Variants in RASGEF1A observed in about 807,000 individuals in gnomAD.
RASGEF1A encodes the protein ras-GEF domain-containing family member 1A.
In RASGEF1A, 18 loss-of-function variants were observed where a neutral mutation model predicts 56.4. The ratio of observed to expected loss-of-function variants is 0.32; its 90% CI spans 0.22 to 0.47. The LOEUF (loss-of-function observed/expected upper bound fraction) is 0.47, where lower values mean the gene tolerates loss of function less well. Ranked by LOEUF, RASGEF1A falls within the 20% of genes least tolerant of loss-of-function variation. The pLI is 1.00. For missense variants in RASGEF1A, 422 were observed against 627.1 expected (o/e 0.67, Z 3.49); for synonymous variants, 245 against 242.6 (o/e 1.01, Z -0.09).
chr10:43,260,913 T>C (rs1274695104), intron 1 of RASGEF1A, among the ~76,000 whole-genome samples: 2 of 152,254 alleles, frequency 1.3e-5, no homozygotes, highest in Non-Finnish European at 2.9e-5. Flanking sequence ...TATTTTGTTA[T>C]CACTTTCTCT....
At chr10:43,217,200 G>A (rs1279098369) in intron 1 of RASGEF1A, among the ~76,000 whole-genome samples, 2 of 152,148 alleles carry the variant, frequency 1.3e-5, no homozygotes, top group African/African-American at 2.4e-5. Flanking sequence ...GCTGGGACCC[G>A]ACCCTGAGGG....
In RASGEF1A at chr10:43,221,043, G is replaced by A. The variant is rs540294089; in HGVS notation, c.-6-14921C>T. Among the ~76,000 whole-genome samples, 14 of 152,268 alleles carry A rather than the reference G, an allele frequency of 9.2e-5. No individual in the cohort carries two copies. The East Asian group carries it at 1.5e-3, about 17-fold the overall frequency. On this transcript the variant is annotated intron_variant, in intron 1 of 12. Coordinates refer to ENST00000395810, the MANE Select transcript of RASGEF1A (RefSeq NM_145313.4). ...AGACACCTGCAGAAGCACTGCCCTC[G>A]AGAACTCCGAAGCCTCTTTTCCATT...
rs1171136832 is a variant in RASGEF1A at position 43,194,857 on chromosome 10, T to C, written c.*1387A>G. On this transcript the variant is annotated 3_prime_UTR_variant, in exon 13 of 13. Transcript: ENST00000395810. ...TGTACTATCAATATACAATCTGTAC[T>C]AGCTAGAACCTCAGAAAGTGCAAAC... 6.5e-6 allele frequency: 1 copy of C among 152,698 alleles called. No individual in the cohort carries two copies. Among genetic ancestry groups the C allele is most frequent in the Non-Finnish European group, 1.5e-5 (1 of 68,058 alleles). 9.5% of individuals were successfully genotyped at this position (152,698 alleles called of 1,614,324 possible).
chr10:43,220,508 G>A (rs1278289192), intron 1 of RASGEF1A, among the ~76,000 whole-genome samples: 2 of 152,192 alleles, frequency 1.3e-5, no homozygotes, highest in Admixed American at 1.3e-4. Flanking sequence ...ATCTCACCGG[G>A]TGTGGTGGCT....
chr10:43,219,553 A>G (rs990859385), intron 1 of RASGEF1A, among the ~76,000 whole-genome samples: 1 of 152,202 alleles, frequency 6.6e-6, no homozygotes, highest in East Asian at 1.9e-4. Context: ...AGGCACCAGC[A>G]ATCTGTCCTG....
At chr10:43,216,609 A>T (rs1166826059) in intron 1 of RASGEF1A, among the ~76,000 whole-genome samples, 1 of 152,152 alleles carries the variant, frequency 6.6e-6, no homozygotes, top group Admixed American at 6.5e-5. Flanking sequence ...AGACAGTGCT[A>T]GGTAGCCCGC....
At chr10:43,228,791 A>G (rs1475327030) in intron 1 of RASGEF1A, among the ~76,000 whole-genome samples, 1 of 152,210 alleles carries the variant, frequency 6.6e-6, no homozygotes, top group Admixed American at 6.5e-5. Context: ...CCGTGAGGAC[A>G]ACACTCTCCG....
intron 1 of RASGEF1A, among the ~76,000 whole-genome samples, chr10:43,213,839 G>A (rs992417557): frequency 4.6e-5 from 7 of 152,126 alleles, no homozygotes; most frequent in Admixed American, 2.6e-4. Context: ...TGTTGGCCAG[G>A]CTGGTCTCGA....
chr10:43,223,817 T>C (rs1312372346), intron 1 of RASGEF1A, among the ~76,000 whole-genome samples: 1 of 152,006 alleles, frequency 6.6e-6, no homozygotes, highest in African/African-American at 2.4e-5. Flanking sequence ...CCTGTCTCTA[T>C]TTCTTTAAAA....
At chr10:43,265,117 A>G (rs1404537350) in intron 1 of RASGEF1A, among the ~76,000 whole-genome samples, 2 of 152,070 alleles carry the variant, frequency 1.3e-5, no homozygotes, top group Non-Finnish European at 2.9e-5. Context: ...GCCACTGTCC[A>G]GCACAAATGC....
intron 1 of RASGEF1A, among the ~76,000 whole-genome samples, chr10:43,234,724 C>G (rs1840409752): frequency 6.6e-6 from 1 of 152,234 alleles, no homozygotes; most frequent in Admixed American, 6.5e-5. Context: ...TGGCGCATAC[C>G]TCTCTATCCT....
intron 1 of RASGEF1A, among the ~76,000 whole-genome samples, chr10:43,244,406 A>T (rs115256112): frequency 0.81 from 112,744 of 138,362 alleles, 43,677 homozygotes; most frequent in East Asian, 0.96. Context: ...AAAAAAATTA[A>T]AAAAAAAAAT....
chr10:43,238,040 T>G (rs1201093243), intron 1 of RASGEF1A, among the ~76,000 whole-genome samples: 1 of 138,374 alleles, frequency 7.2e-6, no homozygotes, highest in East Asian at 2.5e-4. Context: ...CAGGTGTGCC[T>G]GAGACCCGCC....
intron 5 of RASGEF1A, 44 bp from the exon 6 acceptor site, chr10:43,200,300 G>A (rs771010375): frequency 6.6e-7 from 1 of 1,524,862 alleles, no homozygotes; most frequent in South Asian, 1.2e-5. Context: ...GCTTCCCCTG[G>A]AGAAGGGACA....
chr10:43,253,850 C>T (rs368901503), intron 1 of RASGEF1A, among the ~76,000 whole-genome samples: 1 of 152,378 alleles, frequency 6.6e-6, no homozygotes, highest in East Asian at 1.9e-4. Context: ...GCGGAAGCAG[C>T]TCCATCTGTG....
Position 43,230,154 on chromosome 10 carries a change from A to C in RASGEF1A, c.-6-24032T>G, listed in dbSNP as rs531263887. On this transcript the variant is annotated intron_variant, in intron 1 of 12. Coordinates refer to ENST00000395810, the MANE Select transcript of RASGEF1A (RefSeq NM_145313.4). ...CGGCCCCGGCCTCACCTGATCGTAG[A>C]CGTCCACTACGGAACTACAGCAGGT... Among the ~76,000 whole-genome samples the C allele has an allele frequency of 1.2e-4, 19 of 152,300 alleles. 1 individual carries two copies. In the Middle Eastern group the frequency reaches 0.01, roughly 82 times the overall value.
chr10:43,214,937 A>G (rs1840113762), intron 1 of RASGEF1A, among the ~76,000 whole-genome samples: 1 of 152,180 alleles, frequency 6.6e-6, no homozygotes, highest in African/African-American at 2.4e-5. Flanking sequence ...CACAGGACCC[A>G]AGAGGCCGTA....
chr10:43,261,974 G>T (rs1836537020), intron 1 of RASGEF1A, among the ~76,000 whole-genome samples: 1 of 152,214 alleles, frequency 6.6e-6, no homozygotes, highest in Non-Finnish European at 1.5e-5. Flanking sequence ...CTGGTGCTGT[G>T]GCTGGGCATG....
At chr10:43,220,318 G>A (rs1378918907) in intron 1 of RASGEF1A, among the ~76,000 whole-genome samples, 1 of 152,180 alleles carries the variant, frequency 6.6e-6, no homozygotes, top group Non-Finnish European at 1.5e-5. Flanking sequence ...GGGCAACATA[G>A]GGAGATCCCT....
Sources: gnomAD v4.1 joint callset for allele counts (sites outside exome capture counted in the v4.1 genomes callset) on GRCh38, gnomAD v4.1.1 for gene constraint, MANE v1.5 for transcripts, NCBI Gene and HGNC (gene_info 2026-07-23, HGNC 2026-07-21) for gene names.